EPB41L4A: variants seen among roughly 807,000 people sequenced by gnomAD.
EPB41L4A encodes the protein band 4.1-like protein 4A.
In EPB41L4A, 100 loss-of-function variants were observed where a neutral mutation model predicts 108.6. That is an observed-to-expected ratio of 0.92 (90% CI 0.78 to 1.09). EPB41L4A has a LOEUF of 1.09. Ranked by LOEUF, EPB41L4A falls within the 50% of genes least tolerant of loss-of-function variation. EPB41L4A has a pLI of 0.00. For missense variants in EPB41L4A, 1,030 were observed against 842.7 expected (o/e 1.22, Z -2.75); for synonymous variants, 319 against 289.0 (o/e 1.10, Z -1.05).
chr5:112,342,336 T>C (rs1332250119), intron 1 of EPB41L4A, among the ~76,000 whole-genome samples: 1 of 152,208 alleles, frequency 6.6e-6, no homozygotes, highest in African/African-American at 2.4e-5. Context: ...ATTTATCTTA[T>C]CACTGGTCTT....
intron 15 of EPB41L4A, among the ~76,000 whole-genome samples, chr5:112,202,355 CA>C (rs895508161): frequency 6.6e-5 from 10 of 152,150 alleles, no homozygotes; most frequent in Admixed American, 5.2e-4. Context: ...TCCTTCAGTC[CA>C]GAGGCAGTAA....
At chr5:112,291,257 A>G (rs17269764) in intron 2 of EPB41L4A, among the ~76,000 whole-genome samples, 158 of 151,392 alleles carry the variant, frequency 1.0e-3, no homozygotes, top group Middle Eastern at 6.8e-3. Flanking sequence ...CTTTCTTACA[A>G]CTCTAGCATC....
chr5:112,414,878 C>G (rs565340316), intron 1 of EPB41L4A, among the ~76,000 whole-genome samples: 64 of 152,278 alleles, frequency 4.2e-4, no homozygotes, highest in African/African-American at 1.5e-3. Flanking sequence ...AGGAGAGACA[C>G]TTTCTAGCCC....
downstream of EPB41L4A, chr5:112,161,649 C>G (rs1481379087): frequency 1.9e-6 from 1 of 518,342 alleles, no homozygotes. Flanking sequence ...GTGATCTTGA[C>G]CCTGCTAGCC....
chr5:112,394,259 G>C (rs1325561880), intron 1 of EPB41L4A, among the ~76,000 whole-genome samples: 1 of 152,150 alleles, frequency 6.6e-6, no homozygotes, highest in Non-Finnish European at 1.5e-5. Context: ...GCAGGAGAGA[G>C]AAATAAAAGG....
intron 1 of EPB41L4A, among the ~76,000 whole-genome samples, chr5:112,418,099 G>A (rs1762815710): frequency 6.6e-6 from 1 of 152,156 alleles, no homozygotes; most frequent in Non-Finnish European, 1.5e-5. Flanking sequence ...TATCTAAAAT[G>A]CCTTAGCGAT....
chr5:112,214,969 C>A (rs6893663), intron 12 of EPB41L4A, among the ~76,000 whole-genome samples: 57,487 of 151,864 alleles, frequency 0.38, 11,367 homozygotes, highest in East Asian at 0.66. Context: ...TTAAAAACTT[C>A]ATAAGGCCTC....
At chr5:112,276,014 T>G (rs1254591364) in intron 3 of EPB41L4A, among the ~76,000 whole-genome samples, 2 of 151,916 alleles carry the variant, frequency 1.3e-5, no homozygotes, top group African/African-American at 2.4e-5. Flanking sequence ...CCTGGAAGAG[T>G]ACAAAAAAAA....
chr5:112,221,796 T>C (rs1748070888), intron 12 of EPB41L4A, among the ~76,000 whole-genome samples: 1 of 152,256 alleles, frequency 6.6e-6, no homozygotes. Flanking sequence ...GAATATATAA[T>C]AGCCCTTTCA....
downstream of EPB41L4A, chr5:112,160,515 C>G (rs182841731): frequency 2.0e-5 from 3 of 152,414 alleles, no homozygotes; most frequent in Non-Finnish European, 4.4e-5. Context: ...CTCAGCTGGA[C>G]TCATGAATTC....
intron 18 of EPB41L4A, among the ~76,000 whole-genome samples, chr5:112,182,459 G>C (rs1418136838): frequency 6.6e-6 from 1 of 152,074 alleles, no homozygotes; most frequent in Non-Finnish European, 1.5e-5. Context: ...CTCCAGGAAT[G>C]TTTTTTGACT....
At chr5:112,295,513 C>G in intron 2 of EPB41L4A, among the ~76,000 whole-genome samples, 1 of 152,344 alleles carries the variant, frequency 6.6e-6, no homozygotes, top group Middle Eastern at 3.4e-3. Context: ...ACTGCACTCT[C>G]CTTTCAAAAT....
chr5:112,390,025 G>A (rs1050708460), intron 1 of EPB41L4A, among the ~76,000 whole-genome samples: 4 of 152,188 alleles, frequency 2.6e-5, no homozygotes, highest in Admixed American at 6.5e-5. Flanking sequence ...ATGTCTCAAT[G>A]CCTACACAAT....
intron 12 of EPB41L4A, among the ~76,000 whole-genome samples, chr5:112,154,283 A>G (rs1759574618): frequency 1.3e-5 from 2 of 152,214 alleles, no homozygotes; most frequent in South Asian, 4.1e-4. Context: ...CACTCTGTAC[A>G]ACGCACTCAG....
chr5:112,230,191 T>C (rs1748785266), intron 12 of EPB41L4A, among the ~76,000 whole-genome samples: 1 of 152,148 alleles, frequency 6.6e-6, no homozygotes. Context: ...GTTATAAATA[T>C]CGTGTGCAAG....
intron 1 of EPB41L4A, among the ~76,000 whole-genome samples, chr5:112,334,534 T>G (rs1314227807): frequency 1.3e-5 from 2 of 152,192 alleles, no homozygotes; most frequent in Non-Finnish European, 2.9e-5. Flanking sequence ...TCCTTTCTAT[T>G]GATTCCAGGT....
chr5:112,181,257 C>T (rs1761134040), intron 18 of EPB41L4A, among the ~76,000 whole-genome samples: 1 of 151,596 alleles, frequency 6.6e-6, no homozygotes, highest in African/African-American at 2.4e-5. Flanking sequence ...CGAGACCATC[C>T]TGGCTAACAC....
downstream of EPB41L4A, chr5:112,158,339 A>G: frequency 3.6e-6 from 1 of 277,434 alleles, no homozygotes; most frequent in Non-Finnish European, 7.4e-6. Flanking sequence ...ATGCTACGTG[A>G]TTCCACAAAC....
chr5:112,151,304 A>C (rs554324216), intron 12 of EPB41L4A, among the ~76,000 whole-genome samples: 7 of 151,444 alleles, frequency 4.6e-5, no homozygotes, highest in South Asian at 4.2e-4. Context: ...AATAGCCCCT[A>C]AGTGGGGTAA....
Sources: gnomAD v4.1 joint callset for allele counts (sites outside exome capture counted in the v4.1 genomes callset) on GRCh38, gnomAD v4.1.1 for gene constraint, MANE v1.5 for transcripts, NCBI Gene and HGNC (gene_info 2026-07-23, HGNC 2026-07-21) for gene names.